CBFA2T3: variants seen among roughly 807,000 people sequenced by gnomAD.
CBFA2T3 encodes the protein transcriptional corepressor CBFA2T3.
CBFA2T3 carries 31 observed loss-of-function variants against 58.6 expected under a neutral mutation model. That is an observed-to-expected ratio of 0.53 (90% CI 0.40 to 0.71). The LOEUF (loss-of-function observed/expected upper bound fraction) is 0.71, where lower values mean the gene tolerates loss of function less well. Among genes scored for constraint, CBFA2T3 ranks in the 30% least tolerant of loss-of-function variants. The probability of loss-of-function intolerance (pLI) is 0.00; values close to 1 mark genes in which losing one functional copy is unlikely to be tolerated. For missense variants in CBFA2T3, 1,076 were observed against 963.1 expected, an observed-to-expected ratio of 1.12 and a Z score of -1.55; for synonymous variants, 531 against 421.9, an observed-to-expected ratio of 1.26 and a Z score of -3.17.
chr16:88,976,586 AG>A, intron 1 of CBFA2T3, 70 bp downstream of exon 1: 1 of 1,197,126 alleles, frequency 8.4e-7, no homozygotes, highest in East Asian at 2.6e-5. Flanking sequence ...CGAAGCTCTA[AG>A]GAGTCACAGC....
intron 1 of CBFA2T3, among the ~76,000 whole-genome samples, chr16:88,935,625 G>A (rs1971472611): frequency 6.6e-6 from 1 of 152,230 alleles, no homozygotes; most frequent in Non-Finnish European, 1.5e-5. Context: ...CTGTGCCAGA[G>A]TCTGACCATC....
chr16:88,924,896 C>A (rs1971035927), intron 1 of CBFA2T3, among the ~76,000 whole-genome samples: 1 of 152,244 alleles, frequency 6.6e-6, no homozygotes, highest in African/African-American at 2.4e-5. Flanking sequence ...ACTGAGTGCT[C>A]TCTCCACCAA....
chr16:88,957,461 C>G (rs1025284986), intron 1 of CBFA2T3: 1 of 152,392 alleles, frequency 6.6e-6, no homozygotes, highest in African/African-American at 2.4e-5. Context: ...GACCACGATG[C>G]CCCCTCAGCC....
intron 1 of CBFA2T3, among the ~76,000 whole-genome samples, chr16:88,914,923 T>G (rs1427841098): frequency 2.0e-5 from 3 of 149,564 alleles, no homozygotes; most frequent in African/African-American, 7.4e-5. Context: ...AGCAACTCCC[T>G]GAGCGCCCTG....
chr16:88,907,804 G>A (rs1970389441), intron 1 of CBFA2T3, among the ~76,000 whole-genome samples: 2 of 152,366 alleles, frequency 1.3e-5, no homozygotes, highest in South Asian at 4.1e-4. Context: ...CCAGAGCAGG[G>A]GCTTTGCCTG....
intron 1 of CBFA2T3, among the ~76,000 whole-genome samples, chr16:88,934,338 C>T (rs964218520): frequency 1.3e-5 from 2 of 152,250 alleles, no homozygotes; most frequent in African/African-American, 4.8e-5. Context: ...CATGCACGTT[C>T]CCGAACACTC....
At chr16:88,912,607 C>T (rs1326506653) in intron 1 of CBFA2T3, among the ~76,000 whole-genome samples, 1 of 152,226 alleles carries the variant, frequency 6.6e-6, no homozygotes. Context: ...ATGTCTGAAG[C>T]CTCCGTCTGT....
chr16:88,956,320 G>A (rs192315924), intron 1 of CBFA2T3, among the ~76,000 whole-genome samples: 1 of 152,388 alleles, frequency 6.6e-6, no homozygotes, highest in African/African-American at 2.4e-5. Flanking sequence ...GCCTGTGCCA[G>A]GGTGGGCGGG....
intron 1 of CBFA2T3, among the ~76,000 whole-genome samples, chr16:88,967,069 T>C (rs1192110872): frequency 6.6e-5 from 10 of 152,050 alleles, no homozygotes; most frequent in South Asian, 4.1e-4. Flanking sequence ...CCTCTCTCCA[T>C]AGGGAAGCTG....
intron 5 of CBFA2T3, among the ~76,000 whole-genome samples, chr16:88,888,805 G>T (rs561272457): frequency 6.6e-6 from 1 of 151,818 alleles, no homozygotes; most frequent in Non-Finnish European, 1.5e-5. Flanking sequence ...CCCGGGCCCC[G>T]GGTGGGGGCA....
At position 88,881,435 on chromosome 16, in the gene CBFA2T3, G is replaced by A; in HGVS notation, c.1258C>T (p.Leu420=). Residue 420 remains leucine (L), a synonymous_variant, in exon 9 of 12, where the codon CTG becomes TTG. Coordinates refer to ENST00000268679, the MANE Select transcript of CBFA2T3 (RefSeq NM_005187.6). ...CGGTCGGCCTCCTGGCACCTGCGCA[G>A]CACCGTGAGCGAGCGCCGCGTCTTC... ...VEKTRRSLTV[L]RRCQEADREE... 1 of 1,609,710 alleles carries A rather than the reference G, an allele frequency of 6.2e-7. No individual in the cohort carries two copies. The highest frequency in any genetic ancestry group is 1.1e-5 in the South Asian group (1 of 90,938).
chr16:88,920,877 G>A (rs1361180409), intron 1 of CBFA2T3, among the ~76,000 whole-genome samples: 18 of 152,222 alleles, frequency 1.2e-4, no homozygotes, highest in Non-Finnish European at 4.4e-5. Context: ...CAAGCCCCTC[G>A]CCAGGGGGCT....
chr16:88,884,975 C>T, intron 7 of CBFA2T3, 71 bp downstream of exon 7: 11 of 1,197,374 alleles, frequency 9.2e-6, no homozygotes, highest in Non-Finnish European at 1.3e-5. Flanking sequence ...CCCACATGCT[C>T]AGGTGTACAT....
intron 1 of CBFA2T3, among the ~76,000 whole-genome samples, chr16:88,970,990 G>A (rs533823285): frequency 1.3e-5 from 2 of 152,308 alleles, no homozygotes; most frequent in South Asian, 4.1e-4. Flanking sequence ...CGGGAGGCTT[G>A]TGGAGCCGCC....
intron 2 of CBFA2T3, among the ~76,000 whole-genome samples, chr16:88,901,182 C>A (rs1013486861): frequency 6.6e-6 from 1 of 152,236 alleles, no homozygotes; most frequent in African/African-American, 2.4e-5. Context: ...GGCACAGCGG[C>A]CGGCTTTGAC....
At chr16:88,893,495 C>A (rs536337389) in intron 3 of CBFA2T3, among the ~76,000 whole-genome samples, 1 of 152,220 alleles carries the variant, frequency 6.6e-6, no homozygotes, top group Admixed American at 6.5e-5. Context: ...ACAGCCCCAA[C>A]GCCTGCTAAT....
At chr16:88,952,903 C>T (rs889215429) in intron 1 of CBFA2T3, among the ~76,000 whole-genome samples, 9 of 55,140 alleles carry the variant, frequency 1.6e-4, no homozygotes. Context: ...AGGACCCCCA[C>T]GCAGGGCCTG....
intron 1 of CBFA2T3, among the ~76,000 whole-genome samples, chr16:88,960,943 C>G (rs1347186203): frequency 6.6e-6 from 1 of 152,162 alleles, no homozygotes; most frequent in Non-Finnish European, 1.5e-5. Context: ...TAGTGCATGT[C>G]CCAGGCAATA....
intron 3 of CBFA2T3, among the ~76,000 whole-genome samples, chr16:88,897,028 C>T (rs1001518629): frequency 2.1e-4 from 32 of 152,374 alleles, no homozygotes; most frequent in African/African-American, 6.5e-4. Flanking sequence ...TGGGGGCACA[C>T]GCGAGCACCC....
Sources: allele counts gnomAD v4.1 joint callset (sites outside exome capture counted in the v4.1 genomes callset), GRCh38; gene constraint gnomAD v4.1.1; transcripts MANE v1.5; gene names NCBI Gene and HGNC (gene_info 2026-07-23, HGNC 2026-07-21).